The following DYM variants were observed in gnomAD, a reference collection of about 807,000 sequenced individuals.
DYM encodes the protein dymeclin, also known as dyggve-Melchior-Clausen syndrome protein.
In DYM, 78 loss-of-function variants were observed where a neutral mutation model predicts 93.1. The ratio of observed to expected loss-of-function variants is 0.84; its 90% CI spans 0.70 to 1.01. The LOEUF is 1.01. Among genes scored for constraint, DYM ranks in the 50% least tolerant of loss-of-function variants. DYM has a pLI of 0.00. For synonymous variants in DYM, 321 were observed against 319.7 expected (o/e 1.00, Z -0.04); for missense variants, 789 against 845.0 (o/e 0.93, Z 0.82).
intron 8 of DYM, among the ~76,000 whole-genome samples, chr18:49,303,062 T>A (rs936649663): frequency 2.0e-5 from 3 of 152,214 alleles, no homozygotes; most frequent in Non-Finnish European, 4.4e-5. Flanking sequence ...TTCATCCTCA[T>A]CCACAGAACC....
chr18:49,049,615 T>C (rs2072119802), intron 17 of DYM: 1 of 153,136 alleles, frequency 6.5e-6, no homozygotes, highest in African/African-American at 2.4e-5. Context: ...GAGTAAGTAC[T>C]TAATGAATGT....
intron 1 of DYM, among the ~76,000 whole-genome samples, chr18:49,439,648 A>G (rs1206363579): frequency 1.3e-5 from 2 of 152,192 alleles, no homozygotes; most frequent in Non-Finnish European, 2.9e-5. Context: ...TTCTGAGTAC[A>G]ATATGCTAAT....
At chr18:49,337,355 T>G (rs2063746909) in intron 6 of DYM, among the ~76,000 whole-genome samples, 1 of 152,122 alleles carries the variant, frequency 6.6e-6, no homozygotes, top group Non-Finnish European at 1.5e-5. Context: ...CCTGAGAACC[T>G]CCCTCCCCTC....
intron 17 of DYM, among the ~76,000 whole-genome samples, chr18:49,055,779 G>A (rs2075417910): frequency 6.6e-6 from 1 of 152,176 alleles, no homozygotes; most frequent in Admixed American, 6.5e-5. Flanking sequence ...TCCCTTTCTT[G>A]GACAAAGGTC....
intron 2 of DYM, among the ~76,000 whole-genome samples, chr18:49,397,813 T>C (rs1365072699): frequency 1.3e-5 from 2 of 152,224 alleles, no homozygotes; most frequent in Non-Finnish European, 2.9e-5. Flanking sequence ...TGTAAAACAT[T>C]TCATTAATTT....
chr18:49,447,144 G>T (rs953427666), intron 1 of DYM: 3 of 152,148 alleles, frequency 2.0e-5, no homozygotes, highest in Non-Finnish European at 2.9e-5. Context: ...TTCCAAAGCA[G>T]AGAACAGCAC....
At chr18:49,189,091 G>A (rs2090723560) in intron 14 of DYM, among the ~76,000 whole-genome samples, 1 of 152,074 alleles carries the variant, frequency 6.6e-6, no homozygotes, top group African/African-American at 2.4e-5. Flanking sequence ...TTTATAAGTG[G>A]GAGCCAAACA....
At chr18:49,447,841 C>T (rs1314821218) in intron 1 of DYM, among the ~76,000 whole-genome samples, 2 of 152,248 alleles carry the variant, frequency 1.3e-5, no homozygotes, top group South Asian at 2.1e-4. Flanking sequence ...AGTAACAAGG[C>T]ATATAGCTCA....
chr18:49,275,694 T>C lies in DYM; in HGVS notation c.1126-3391A>G, dbSNP rs368897368. 7.9e-5 allele frequency among the ~76,000 whole-genome samples: 12 copies of C among 152,190 alleles called. No homozygotes were observed. In the South Asian group the frequency reaches 8.3e-4, roughly 11 times the overall value. The stretch of plus-strand genomic sequence containing the variant: ...AAGTTTAAGACCAGCCTGGGCAACA[T>C]AGCAAGACCCTATCTCTATCTCTAT... On this transcript the variant is annotated intron_variant, in intron 10 of 17. Coordinates refer to ENST00000675505, the MANE Select transcript of DYM (RefSeq NM_001353214.3).
chr18:49,044,751 C>G (rs114791286), intron 17 of DYM, among the ~76,000 whole-genome samples: 84 of 152,374 alleles, frequency 5.5e-4, no homozygotes, highest in African/African-American at 2.0e-3. Context: ...AGCTTGGCCT[C>G]AGTCTCTTCC....
At chr18:49,173,582 T>C (rs1849820374) in intron 14 of DYM, among the ~76,000 whole-genome samples, 1 of 152,070 alleles carries the variant, frequency 6.6e-6, no homozygotes, top group South Asian at 2.1e-4. Context: ...CAATTACTGA[T>C]TGTTCATAGC....
intron 14 of DYM, among the ~76,000 whole-genome samples, chr18:49,178,616 A>C (rs1256529912): frequency 6.6e-6 from 1 of 152,200 alleles, no homozygotes; most frequent in Non-Finnish European, 1.5e-5. Context: ...CAGTTATTTC[A>C]ATATCAACAG....
At chr18:49,110,294 C>G (rs1276485029) in intron 16 of DYM, among the ~76,000 whole-genome samples, 1 of 152,054 alleles carries the variant, frequency 6.6e-6, no homozygotes, top group Admixed American at 6.6e-5. Context: ...TTATGTTTAC[C>G]TTTATTTTTG....
chr18:49,442,967 C>T (rs763853619), intron 1 of DYM, among the ~76,000 whole-genome samples: 1 of 151,784 alleles, frequency 6.6e-6, no homozygotes, highest in African/African-American at 2.4e-5. Context: ...AAGCAATCCT[C>T]TCATCTCAGC....
chr18:49,072,565 T>C (rs2076977811), intron 17 of DYM, among the ~76,000 whole-genome samples: 1 of 152,234 alleles, frequency 6.6e-6, no homozygotes, highest in Non-Finnish European at 1.5e-5. Flanking sequence ...ATGCTTTTCC[T>C]GAACTTTGGA....
At chr18:49,215,980 G>A (rs2143784152) in intron 13 of DYM, among the ~76,000 whole-genome samples, 1 of 152,320 alleles carries the variant, frequency 6.6e-6, no homozygotes, top group African/African-American at 2.4e-5. Flanking sequence ...AAGGGGTCAG[G>A]GAGTTCCCTT....
chr18:49,053,614 G>C (rs981603376), intron 17 of DYM, among the ~76,000 whole-genome samples: 1 of 152,196 alleles, frequency 6.6e-6, no homozygotes, highest in East Asian at 1.9e-4. Context: ...CAGGGCTTGT[G>C]GTGGGCAGTC....
chr18:49,423,487 A>G (rs1343692841), intron 2 of DYM, among the ~76,000 whole-genome samples: 1 of 152,242 alleles, frequency 6.6e-6, no homozygotes, highest in Non-Finnish European at 1.5e-5. Context: ...TAAAAGAACT[A>G]GAGAAGCAAG....
In DYM at chr18:49,201,206, G is replaced by A. The variant is rs184424257; in HGVS notation, c.1625+8345C>T. ...ATGATACATACTAAATATTTGCCAT[G>A]TTGATAGGAACTAACTACATGCACA... On this transcript the variant is annotated intron_variant, in intron 14 of 17. Coordinates refer to ENST00000675505, the MANE Select transcript of DYM (RefSeq NM_001353214.3). 5.9e-5 allele frequency among the ~76,000 whole-genome samples: 9 copies of A among 152,252 alleles called. No homozygotes were observed. The East Asian group carries it at 1.5e-3, about 26-fold the overall frequency.
Sources: allele counts gnomAD v4.1 joint callset (sites outside exome capture counted in the v4.1 genomes callset), GRCh38; gene constraint gnomAD v4.1.1; transcripts MANE v1.5; gene names NCBI Gene and HGNC (gene_info 2026-07-23, HGNC 2026-07-21).